The following KLF8 variants were observed in gnomAD, a reference collection of about 807,000 sequenced individuals.
KLF8 encodes Krueppel-like factor 8.
In KLF8, 10 loss-of-function variants were observed where a neutral mutation model predicts 18.2. The observed-to-expected ratio is 0.55, with a 90% CI of 0.34 to 0.93. The LOEUF (loss-of-function observed/expected upper bound fraction) is 0.93. KLF8 is among the 40% of genes least tolerant of loss of function. KLF8 has a pLI of 0.02. For missense variants in KLF8, 264 were observed against 277.9 expected (o/e 0.95, Z 0.36); for synonymous variants, 109 against 97.3 (o/e 1.12, Z -0.71).
the KLF8 span, among the ~76,000 whole-genome samples, chrX:56,038,899 C>T: frequency 8.9e-6 from 1 of 111,798 alleles, no homozygotes; most frequent in Non-Finnish European, 1.9e-5. Flanking sequence ...CTTTTTTAGC[C>T]ATTCTGACTA....
At chrX:56,096,765 T>G in the KLF8 span, among the ~76,000 whole-genome samples, 3 of 111,273 alleles carry the variant, frequency 2.7e-5, no homozygotes. Flanking sequence ...CTAGACAGGC[T>G]AATCTAAAAA....
the KLF8 span, among the ~76,000 whole-genome samples, chrX:56,104,173 CTTTT>C: frequency 0.012 from 1,354 of 110,943 alleles, 13 homozygotes; most frequent in Non-Finnish European, 0.02. Flanking sequence ...CTGAAATTCT[CTTTT>C]TTTTGTTGTG....
chrX:56,237,625 GTT>G (rs2066493960), intron 1 of KLF8, among the ~76,000 whole-genome samples: 1 of 111,927 alleles, frequency 8.9e-6, no homozygotes, highest in Admixed American at 9.5e-5. Context: ...TTTTTAAACA[GTT>G]TTCTGTTGAT....
the KLF8 span, among the ~76,000 whole-genome samples, chrX:56,200,345 T>A: frequency 9.1e-6 from 1 of 109,941 alleles, no homozygotes; most frequent in Non-Finnish European, 1.9e-5. Flanking sequence ...CTACAAAAAA[T>A]TAAATATAAA....
the KLF8 span, among the ~76,000 whole-genome samples, chrX:56,216,568 G>A: frequency 8.4e-5 from 9 of 106,582 alleles, no homozygotes; most frequent in South Asian, 1.7e-3. Flanking sequence ...TAGCAACATC[G>A]TCTTGTTATG....
At chrX:56,040,800 C>CTTTTTTTTTTT in the KLF8 span, among the ~76,000 whole-genome samples, 10 of 6,038 alleles carry the variant, frequency 1.7e-3, 1 homozygote, top group Non-Finnish European at 3.2e-3. Flanking sequence ...ATGATACCAG[C>CTTTTTTTTTTT]TTTTTTTTTT....
chrX:56,278,881 C>A, intron 5 of KLF8, among the ~76,000 whole-genome samples: 1 of 111,696 alleles, frequency 9.0e-6, no homozygotes, highest in East Asian at 2.8e-4. Context: ...TTTAAATATT[C>A]CCTCCATGGG....
the KLF8 span, among the ~76,000 whole-genome samples, chrX:55,951,309 C>A: frequency 3.7e-5 from 4 of 108,732 alleles, no homozygotes; most frequent in Admixed American, 2.0e-4. Flanking sequence ...AACCCCGTCT[C>A]TACTAAAAAT....
the KLF8 span, among the ~76,000 whole-genome samples, chrX:56,140,797 TAA>T: frequency 0.021 from 918 of 43,863 alleles, 7 homozygotes; most frequent in Non-Finnish European, 0.031. Flanking sequence ...GCCCCTCCAG[TAA>T]AAAAAAAAAA....
the KLF8 span, among the ~76,000 whole-genome samples, chrX:56,172,151 C>T: frequency 9.1e-6 from 1 of 109,559 alleles, no homozygotes; most frequent in Non-Finnish European, 1.9e-5. Flanking sequence ...TACAGGTGTA[C>T]AACATGCAGG....
the KLF8 span, among the ~76,000 whole-genome samples, chrX:55,989,398 A>AT: frequency 7.1e-5 from 8 of 112,302 alleles, no homozygotes; most frequent in Admixed American, 2.8e-4. Context: ...ATTTATTGAG[A>AT]TTTTTTAGCA....
the KLF8 span, among the ~76,000 whole-genome samples, chrX:55,979,091 A>T: frequency 6.7e-4 from 5 of 7,509 alleles, no homozygotes; most frequent in Non-Finnish European, 6.8e-3. Flanking sequence ...ATATAGGGCG[A>T]GAGAGAGAGA....
rs150372051 is a variant in KLF8 at position 56,265,695 on chromosome X, A to G, written c.597A>G (p.Ala199=). 10 of 1,205,987 alleles carry G rather than the reference A, an allele frequency of 8.3e-6. No individual in the cohort carries two copies. The African/African-American group carries it at 1.7e-4, about 21-fold the overall frequency. Residue 199 remains alanine (A), a synonymous_variant, in exon 3 of 6, where the codon GCA becomes GCG. Transcript: ENST00000468660. The stretch of plus-strand genomic sequence containing the variant: ...CTTTGCCTGCAGATGGGGGCCCTGC[A>G]GCCATTACAGTCCCACTCATTGGAG... ...YTTLPADGGP[A]AITVPLIGGD...
the KLF8 span, among the ~76,000 whole-genome samples, chrX:55,989,838 T>C: frequency 1.8e-5 from 2 of 111,472 alleles, no homozygotes; most frequent in Non-Finnish European, 3.8e-5. Flanking sequence ...GGTCCTGGAC[T>C]CTTTTTGGTT....
At chrX:56,087,251 A>G in the KLF8 span, among the ~76,000 whole-genome samples, 36 of 110,772 alleles carry the variant, frequency 3.2e-4, no homozygotes, top group African/African-American at 1.1e-3. Flanking sequence ...TTGGATCTGT[A>G]TCCCCACCAA....
chrX:55,984,114 GT>G, the KLF8 span, among the ~76,000 whole-genome samples: 1 of 109,265 alleles, frequency 9.2e-6, no homozygotes, highest in Non-Finnish European at 1.9e-5. Context: ...ATTTGGATTT[GT>G]TTTTTTCTTC....
At chrX:56,181,432 GT>G in the KLF8 span, among the ~76,000 whole-genome samples, 2 of 111,529 alleles carry the variant, frequency 1.8e-5, no homozygotes, top group African/African-American at 6.5e-5. Flanking sequence ...GCCAGTCTGT[GT>G]TTTTCAATTG....
At chrX:56,236,962 G>GATATATATAT (rs3052513) in intron 1 of KLF8, among the ~76,000 whole-genome samples, 10 of 93,330 alleles carry the variant, frequency 1.1e-4, no homozygotes, top group African/African-American at 3.6e-4. Flanking sequence ...TAGATAGATG[G>GATATATATAT]ATATATATAT....
the KLF8 span, among the ~76,000 whole-genome samples, chrX:56,166,536 C>A: frequency 2.7e-5 from 3 of 112,206 alleles, no homozygotes; most frequent in East Asian, 5.6e-4. Context: ...ACATTAAGAA[C>A]CACTCATGTA....
Sources: gnomAD v4.1 joint callset for allele counts (sites outside exome capture counted in the v4.1 genomes callset) on GRCh38, gnomAD v4.1.1 for gene constraint, MANE v1.5 for transcripts, NCBI Gene and HGNC (gene_info 2026-07-23, HGNC 2026-07-21) for gene names.